The following NT5DC1 variants were observed in gnomAD, a reference collection of about 807,000 sequenced individuals.
NT5DC1 encodes 5'-nucleotidase domain-containing protein 1.
A neutral mutation model predicts 59.4 loss-of-function variants in NT5DC1; 42 were observed. The observed-to-expected ratio is 0.71, with a 90% CI of 0.55 to 0.92. The LOEUF (loss-of-function observed/expected upper bound fraction) is 0.92. NT5DC1 is among the 40% of genes least tolerant of loss of function. The pLI is 0.00. For missense variants in NT5DC1, 501 were observed against 537.1 expected (o/e 0.93, Z 0.66); for synonymous variants, 172 against 188.1 (o/e 0.91, Z 0.70).
intron 6 of NT5DC1, among the ~76,000 whole-genome samples, chr6:116,187,713 C>T (rs1290904270): frequency 6.6e-6 from 1 of 151,976 alleles, no homozygotes; most frequent in African/African-American, 2.4e-5. Context: ...ATCAATTTCA[C>T]ATGGATTATA....
intron 6 of NT5DC1, among the ~76,000 whole-genome samples, chr6:116,184,449 G>A (rs772474018): frequency 6.6e-6 from 1 of 151,776 alleles, no homozygotes; most frequent in Non-Finnish European, 1.5e-5. Flanking sequence ...TTTTGAAATA[G>A]TGTCAATTGG....
At chr6:116,188,844 G>C (rs1047791172) in intron 6 of NT5DC1, among the ~76,000 whole-genome samples, 14 of 151,862 alleles carry the variant, frequency 9.2e-5, no homozygotes, top group Non-Finnish European at 1.6e-4. Context: ...TCTGATTTAA[G>C]GAGAGAAGGC....
intron 6 of NT5DC1, among the ~76,000 whole-genome samples, chr6:116,198,429 A>G (rs1781280830): frequency 6.6e-6 from 1 of 152,002 alleles, no homozygotes; most frequent in African/African-American, 2.4e-5. Context: ...TATTCGTCCC[A>G]TACATAAGAA....
rs1393966066 is a variant in NT5DC1, at chr6:116,248,010, T to C, written c.*3986T>C. ...TCAAATGTGTCAATCTGTAACTGTA[T>C]GGAGTCCTGTATTAAATCAAGTGAT... On this transcript the variant is annotated 3_prime_UTR_variant, in exon 12 of 12. Coordinates refer to ENST00000319550, the MANE Select transcript of NT5DC1 (RefSeq NM_152729.3). The C allele has an allele frequency of 6.6e-6, 1 of 152,232 alleles. No homozygotes were observed. Among genetic ancestry groups the C allele is most frequent in the Non-Finnish European group, 1.5e-5 (1 of 68,028 alleles). 9.4% of individuals were successfully genotyped at this position (152,232 alleles called of 1,614,324 possible). A position where few individuals can be genotyped will look rare whatever the true frequency, so the allele number is the denominator to read the frequency against.
At chr6:116,152,624 A>T (rs1364904047) in intron 6 of NT5DC1, among the ~76,000 whole-genome samples, 1 of 152,138 alleles carries the variant, frequency 6.6e-6, no homozygotes, top group Non-Finnish European at 1.5e-5. Context: ...ACCCCTTAAC[A>T]TAATGAAGAC....
At position 116,218,187 on chromosome 6, in the gene NT5DC1, A is replaced by T. The variant is rs562254845; in HGVS notation, c.530-2867A>T. 2.0e-5 allele frequency among the ~76,000 whole-genome samples: 3 copies of T among 152,286 alleles called. No homozygotes were observed. In the South Asian group the frequency reaches 6.2e-4, roughly 32 times the overall value. On this transcript the variant is annotated intron_variant, in intron 6 of 11. Coordinates refer to ENST00000319550, the MANE Select transcript of NT5DC1 (RefSeq NM_152729.3). ...CATTATTAATTGAGATACTAATGCA[A>T]TTAACCTAGGTAAGAAATTTAAAAT...
chr6:116,225,943 G>A (rs1353638090), intron 8 of NT5DC1, among the ~76,000 whole-genome samples: 3 of 152,160 alleles, frequency 2.0e-5, no homozygotes, highest in Non-Finnish European at 2.9e-5. Flanking sequence ...GAGGGGGGTG[G>A]AGGCTGGGTG....
chr6:116,184,936 T>C (rs1191592261), intron 6 of NT5DC1, among the ~76,000 whole-genome samples: 1 of 152,106 alleles, frequency 6.6e-6, no homozygotes, highest in Non-Finnish European at 1.5e-5. Context: ...TGGTTTGTTC[T>C]TATTTCTCTA....
intron 1 of NT5DC1, among the ~76,000 whole-genome samples, chr6:116,103,360 A>G (rs1368840995): frequency 6.6e-6 from 1 of 152,114 alleles, no homozygotes; most frequent in Non-Finnish European, 1.5e-5. Context: ...GTCACTGTTA[A>G]GAGAGCATCA....
intron 11 of NT5DC1, among the ~76,000 whole-genome samples, chr6:116,240,216 A>G (rs1771672832): frequency 6.6e-6 from 1 of 152,208 alleles, no homozygotes; most frequent in South Asian, 2.1e-4. Flanking sequence ...GAGTCCTAGA[A>G]TGATGTTATC....
chr6:116,231,798 A>G (rs1289829602), intron 8 of NT5DC1, among the ~76,000 whole-genome samples: 2 of 152,254 alleles, frequency 1.3e-5, no homozygotes, highest in Non-Finnish European at 2.9e-5. Flanking sequence ...TGAAATGCAC[A>G]TATTTTAAAA....
intron 11 of NT5DC1, among the ~76,000 whole-genome samples, chr6:116,241,414 A>G (rs1015995861): frequency 2.0e-5 from 3 of 152,216 alleles, no homozygotes; most frequent in African/African-American, 7.2e-5. Flanking sequence ...GTAATGGCAT[A>G]TATATGCCAG....
intron 6 of NT5DC1, among the ~76,000 whole-genome samples, chr6:116,202,960 T>C (rs1174150511): frequency 6.6e-6 from 1 of 151,970 alleles, no homozygotes; most frequent in East Asian, 1.9e-4. Flanking sequence ...GGCTGTCTCA[T>C]AATAAACTTT....
At chr6:116,161,383 G>T (rs912831530) in intron 6 of NT5DC1, among the ~76,000 whole-genome samples, 6 of 151,808 alleles carry the variant, frequency 4.0e-5, no homozygotes, top group Admixed American at 6.6e-5. Flanking sequence ...ATATAACAAT[G>T]TAGATAAAAA....
intron 2 of NT5DC1, among the ~76,000 whole-genome samples, chr6:116,107,044 T>C (rs6906142): frequency 0.034 from 5,211 of 151,358 alleles, 288 homozygotes; most frequent in African/African-American, 0.12. Context: ...TAAAAAATAA[T>C]TAGCCAGGTG....
intron 6 of NT5DC1, among the ~76,000 whole-genome samples, chr6:116,203,189 T>G (rs1781381469): frequency 6.6e-6 from 1 of 152,060 alleles, no homozygotes; most frequent in African/African-American, 2.4e-5. Context: ...TTGTATTAGA[T>G]TCTCATTTAA....
chr6:116,105,643 A>T (rs1475319926), intron 1 of NT5DC1, among the ~76,000 whole-genome samples: 1 of 152,208 alleles, frequency 6.6e-6, no homozygotes, highest in Non-Finnish European at 1.5e-5. Flanking sequence ...GAGAAATAAG[A>T]TCTGTCAGCA....
chr6:116,172,967 T>C (rs1387562511), intron 6 of NT5DC1, among the ~76,000 whole-genome samples: 2 of 152,242 alleles, frequency 1.3e-5, no homozygotes, highest in African/African-American at 4.8e-5. Flanking sequence ...ATTATATTTA[T>C]ATCTTGAGAT....
At chr6:116,115,020 T>C (rs1411865466) in intron 4 of NT5DC1, among the ~76,000 whole-genome samples, 1 of 152,142 alleles carries the variant, frequency 6.6e-6, no homozygotes, top group Non-Finnish European at 1.5e-5. Flanking sequence ...CAAAAGTGTC[T>C]GTTCAGGGAC....
Sources: gnomAD v4.1 joint callset for allele counts (sites outside exome capture counted in the v4.1 genomes callset) on GRCh38, gnomAD v4.1.1 for gene constraint, MANE v1.5 for transcripts, NCBI Gene and HGNC (gene_info 2026-07-23, HGNC 2026-07-21) for gene names.